The following CREB3L3 variants were observed in gnomAD, a reference collection of about 807,000 sequenced individuals.
The protein encoded by CREB3L3 is cAMP responsive element binding protein 3 like 3.
CREB3L3 carries 40 observed loss-of-function variants against 44.6 expected under a neutral mutation model. The observed-to-expected ratio is 0.90, with a 90% CI of 0.70 to 1.17. The LOEUF is 1.17. Among genes scored for constraint, CREB3L3 ranks in the 50% most tolerant of loss-of-function variants. CREB3L3 has a pLI of 0.00. For synonymous variants in CREB3L3, 273 were observed against 256.3 expected (o/e 1.06, Z -0.62); for missense variants, 578 against 595.8 (o/e 0.97, Z 0.31).
chr19:4,172,365 A>C lies in CREB3L3; in HGVS notation c.*396A>C, dbSNP rs1599349340. Reference sequence around the variant, plus strand: ...GAAACAGACCCAGACAGACAGACAGACAGCCTGAAACAGACCCAGACACAG... The same window carrying C: ...GAAACAGACCCAGACAGACAGACAGCCAGCCTGAAACAGACCCAGACACAG... On this transcript the variant is annotated 3_prime_UTR_variant, in exon 10 of 10. Transcript: ENST00000078445. The C allele has an allele frequency of 8.1e-6, 3 of 369,006 alleles. No individual in the cohort carries two copies. The highest frequency in any genetic ancestry group is 2.5e-5 in the South Asian group (1 of 39,808). 22.9% of individuals were successfully genotyped at this position (369,006 alleles called of 1,614,324 possible). A position where few individuals can be genotyped will look rare whatever the true frequency, so the allele number is the denominator to read the frequency against.
chr19:4,163,970 ATTTTTTTT>A (rs746262345), intron 4 of CREB3L3, among the ~76,000 whole-genome samples: 7 of 114,908 alleles, frequency 6.1e-5, no homozygotes, highest in Admixed American at 1.0e-4. Flanking sequence ...TGGTCGGGTA[ATTTTTTTT>A]TTTTTTTTTT....
chr19:4,159,868 A>G, intron 4 of CREB3L3, 86 bp downstream of exon 4: 1 of 765,852 alleles, frequency 1.3e-6, no homozygotes, highest in South Asian at 1.4e-5. Flanking sequence ...CGTTTCAGAG[A>G]CTGGAAAACT....
rs1160807860 is a variant in CREB3L3, at chr19:4,171,323, G to T, written c.976-60G>T. On this transcript the variant is annotated intron_variant, in intron 8 of 9. Transcript: ENST00000078445. The surrounding 1 kb of genome is among the most constrained non-coding windows in gnomAD (Gnocchi z 4.9). Reference sequence around the variant, plus strand: ...TGGGGCCTCAGTTTCCCTGCCTGTGGGATGGAGATGCTTGCAGGGGAGGGG... The same window carrying T: ...TGGGGCCTCAGTTTCCCTGCCTGTGTGATGGAGATGCTTGCAGGGGAGGGG... 1.8e-5 allele frequency: 27 copies of T among 1,532,222 alleles called. No individual in the cohort carries two copies. The highest frequency in any genetic ancestry group is 2.3e-5 in the East Asian group (1 of 44,254). The allele number at this position is 1,532,222 out of a possible 1,614,324, so 94.9% of individuals were successfully genotyped here.
intron 5 of CREB3L3, among the ~76,000 whole-genome samples, chr19:4,165,339 A>ATT (rs34585723): frequency 0.021 from 2,926 of 138,114 alleles, 77 homozygotes; most frequent in African/African-American, 0.063. Flanking sequence ...GGCTAATTTA[A>ATT]TTTTTTTTTT....
intron 2 of CREB3L3, 58 bp downstream of exon 2, chr19:4,155,085 G>A (rs764873080): frequency 2.9e-5 from 46 of 1,596,064 alleles, no homozygotes; most frequent in Non-Finnish European, 3.7e-5. Context: ...GCCAACTGAG[G>A]CCCCACGAAG....
chr19:4,172,365 A>G lies in CREB3L3; in HGVS notation c.*396A>G. 2.7e-6 allele frequency: 1 copy of G among 369,108 alleles called. No individual in the cohort carries two copies. The highest frequency in any genetic ancestry group is 5.0e-6 in the Non-Finnish European group (1 of 198,572). The allele number at this position is 369,108 out of a possible 1,614,324, so 22.9% of individuals were successfully genotyped here. ...GAAACAGACCCAGACAGACAGACAG[A>G]CAGCCTGAAACAGACCCAGACACAG... On this transcript the variant is annotated 3_prime_UTR_variant, in exon 10 of 10. Transcript: ENST00000078445.
In CREB3L3 at chr19:4,172,798, C is replaced by A. The variant is rs1236624485; in HGVS notation, c.*829C>A. 1 of 176,396 alleles carries A rather than the reference C, an allele frequency of 5.7e-6. No individual in the cohort carries two copies. 10.9% of individuals were successfully genotyped at this position (176,396 alleles called of 1,614,324 possible). ...ACAGGCAGACACAGCCTAAAACAGA[C>A]CTGGACAGACAGGCAGACGTAGTCT... On this transcript the variant is annotated 3_prime_UTR_variant, in exon 10 of 10. Transcript: ENST00000078445.
At chr19:4,156,904 A>T in intron 2 of CREB3L3, 91 bp from the exon 3 acceptor site, 1 of 1,385,360 alleles carries the variant, frequency 7.2e-7, no homozygotes, top group Non-Finnish European at 1.0e-6. Context: ...CCTAAGGCCC[A>T]AAGAGGGTCA....
At chr19:4,165,875 CAAAACA>C (rs1388123531) in intron 5 of CREB3L3, among the ~76,000 whole-genome samples, 3 of 151,704 alleles carry the variant, frequency 2.0e-5, no homozygotes, top group East Asian at 1.9e-4. Context: ...GAAACTCTGT[CAAAACA>C]AAAACAAAAA....
At chr19:4,154,502 TG>T (rs1161932237) in intron 1 of CREB3L3, among the ~76,000 whole-genome samples, 1 of 152,126 alleles carries the variant, frequency 6.6e-6, no homozygotes, top group African/African-American at 2.4e-5. Flanking sequence ...CCCCAGTAGC[TG>T]GGACGACAAG....
intron 4 of CREB3L3, among the ~76,000 whole-genome samples, chr19:4,161,355 C>T (rs1267033942): frequency 5.3e-5 from 8 of 152,058 alleles, no homozygotes; most frequent in Admixed American, 3.3e-4. Flanking sequence ...CTCAAGTGAT[C>T]CTCCTGCTTT....
chr19:4,161,213 C>T (rs1420017673), intron 4 of CREB3L3, among the ~76,000 whole-genome samples: 2 of 152,098 alleles, frequency 1.3e-5, no homozygotes, highest in Non-Finnish European at 2.9e-5. Flanking sequence ...CTGCCCACCT[C>T]GGCCTCCCAA....
chr19:4,169,696 A>G (rs942006789), intron 6 of CREB3L3, among the ~76,000 whole-genome samples: 1 of 147,646 alleles, frequency 6.8e-6, no homozygotes, highest in Non-Finnish European at 1.5e-5. Flanking sequence ...GGTTCAATCG[A>G]TTCTCCTGCC....
chr19:4,164,632 C>G lies in CREB3L3; in HGVS notation c.706C>G (p.Leu236Val), dbSNP rs1432465022. The G allele has an allele frequency of 1.2e-6, 2 of 1,613,960 alleles. No homozygotes were observed. The highest frequency in any genetic ancestry group is 2.7e-5 in the African/African-American group (2 of 74,930). Residue 236 changes from leucine to valine, a missense_variant, in exon 5 of 10, where the codon CTC becomes GTC. By Grantham distance (32) the Leu-to-Val change is conservative (BLOSUM62 1). Coordinates refer to ENST00000078445, the MANE Select transcript of CREB3L3 (RefSeq NM_032607.3). ...EGITLPTQLP[L>V]TKYEERVLKK... ...CATCACCCTGCCCACTCAGCTGCCC[C>G]TCACTAAGGTGAGTCTGGGGGGACT...
At chr19:4,163,970 A>AT (rs746262345) in intron 4 of CREB3L3, among the ~76,000 whole-genome samples, 16,980 of 114,880 alleles carry the variant, frequency 0.15, 2,023 homozygotes, top group East Asian at 0.51. Flanking sequence ...TGGTCGGGTA[A>AT]TTTTTTTTTT....
At chr19:4,159,841 AG>A (rs774413900) in intron 4 of CREB3L3, 59 bp downstream of exon 4, 2 of 814,700 alleles carry the variant, frequency 2.5e-6, no homozygotes, top group Non-Finnish European at 4.4e-6. Flanking sequence ...CTCGGGTTCG[AG>A]GAGCCTAAAT....
chr19:4,158,523 T>C (rs1033888972), intron 3 of CREB3L3, among the ~76,000 whole-genome samples: 2 of 150,234 alleles, frequency 1.3e-5, no homozygotes, highest in Non-Finnish European at 3.0e-5. Flanking sequence ...CAAAAAATGC[T>C]GGGCACAGTG....
intron 2 of CREB3L3, 97 bp downstream of exon 2, chr19:4,155,124 G>A: frequency 1.4e-6 from 2 of 1,456,330 alleles, no homozygotes; most frequent in Non-Finnish European, 1.9e-6. Flanking sequence ...CCCAGCCAGA[G>A]CTCTGCTCAG....
chr19:4,171,054 C>T lies in CREB3L3; in HGVS notation c.891-37C>T, dbSNP rs199603828. 210 of 1,560,380 alleles carry T rather than the reference C, an allele frequency of 1.3e-4. 1 individual carries two copies. The African/African-American group carries it at 2.3e-3, about 17-fold the overall frequency. ...ATGGACGAGAAGCAGAACCGAGGCC[C>T]TTTAGGGCTCAGCGGAGGCCTGCCT... On this transcript the variant is annotated intron_variant, in intron 7 of 9. Transcript: ENST00000078445. The surrounding 1 kb of genome is among the most constrained non-coding windows in gnomAD (Gnocchi z 4.9).
Sources: gnomAD v4.1 joint callset for allele counts (sites outside exome capture counted in the v4.1 genomes callset) on GRCh38, gnomAD v4.1.1 for gene constraint, Gnocchi (gnomAD v3.1) non-coding constraint, MANE v1.5 for transcripts, NCBI Gene and HGNC (gene_info 2026-07-23, HGNC 2026-07-21) for gene names.